Variants in SPAST observed in about 807,000 individuals in gnomAD.
SPAST encodes the protein spastic paraplegia 4 (autosomal dominant; spastin).
Under a neutral mutation model 76.6 loss-of-function variants are expected in SPAST, and 30 were observed. The observed-to-expected ratio is 0.39, with a 90% confidence interval of 0.29 to 0.53. The LOEUF is 0.53. SPAST is among the 20% of genes least tolerant of loss of function. The pLI, the probability that SPAST is intolerant of heterozygous loss-of-function variation, is 0.68. For synonymous variants in SPAST, 305 were observed against 281.0 expected (o/e 1.09, Z -0.86); for missense variants, 717 against 770.5 (o/e 0.93, Z 0.82).
At chr2:32,076,348 T>C (rs1269750075) in intron 1 of SPAST, among the ~76,000 whole-genome samples, 1 of 152,216 alleles carries the variant, frequency 6.6e-6, no homozygotes. Context: ...AAATGTTTGC[T>C]AGTGAAAGCA....
chr2:32,069,679 C>T (rs2148691765), intron 1 of SPAST, among the ~76,000 whole-genome samples: 1 of 151,966 alleles, frequency 6.6e-6, no homozygotes, highest in East Asian at 1.9e-4. Flanking sequence ...GCCTCAGCCT[C>T]CCAAGTAGCT....
intron 15 of SPAST, among the ~76,000 whole-genome samples, chr2:32,146,842 A>T (rs1159326619): frequency 1.6e-5 from 2 of 127,338 alleles, no homozygotes; most frequent in Non-Finnish European, 3.2e-5. Context: ...ACAGAGCAAG[A>T]CTCTGTCTCA....
At chr2:32,114,344 G>T (rs1221936715) in intron 4 of SPAST, among the ~76,000 whole-genome samples, 2 of 151,982 alleles carry the variant, frequency 1.3e-5, no homozygotes, top group Non-Finnish European at 2.9e-5. Context: ...AGCCCAGGAA[G>T]ATTAAGGCCA....
intron 12 of SPAST, among the ~76,000 whole-genome samples, chr2:32,138,701 AT>A (rs1257328908): frequency 6.6e-6 from 1 of 152,050 alleles, no homozygotes; most frequent in Non-Finnish European, 1.5e-5. Context: ...TTTTGTTGCA[AT>A]TGTGTTTGGG....
intron 9 of SPAST, among the ~76,000 whole-genome samples, chr2:32,136,313 G>A (rs560283581): frequency 5.5e-4 from 84 of 152,152 alleles, no homozygotes; most frequent in Admixed American, 5.3e-3. Flanking sequence ...TCATTCTCAA[G>A]TCTTAGGAAT....
At chr2:32,092,585 A>G (rs544178135) in intron 3 of SPAST, among the ~76,000 whole-genome samples, 10 of 152,326 alleles carry the variant, frequency 6.6e-5, no homozygotes, top group African/African-American at 1.9e-4. Context: ...AAGATATGTA[A>G]TGTAATATGA....
chr2:32,144,486 T>A (rs919494466), intron 14 of SPAST, among the ~76,000 whole-genome samples: 1 of 152,252 alleles, frequency 6.6e-6, no homozygotes, highest in Non-Finnish European at 1.5e-5. Flanking sequence ...AATGGGCCTT[T>A]CTATTCCCTT....
At position 32,145,003 on chromosome 2, in the gene SPAST, C is replaced by T. The variant is rs1558341993; in HGVS notation, c.1683C>T (p.Ile561=). The change falls in exon 15 of 17, where the codon ATC becomes ATT. Residue 561 remains isoleucine (I), a synonymous_variant. Coordinates refer to ENST00000315285, the MANE Select transcript of SPAST (RefSeq NM_014946.4). Reference sequence around the variant, plus strand: ...CAAAAGATGCAGCACTGGGTCCTATCCGAGGTAGGTATACAAGAGCTTAAA... The same window carrying T: ...CAAAAGATGCAGCACTGGGTCCTATTCGAGGTAGGTATACAAGAGCTTAAA... ...ALAKDAALGP[I]RELKPEQVKN... is the part of the protein sequence containing the mutation. 9 of 1,608,640 alleles carry T rather than the reference C, an allele frequency of 5.6e-6. No homozygotes were observed. The highest frequency in any genetic ancestry group is 6.8e-6 in the Non-Finnish European group (8 of 1,175,784).
chr2:32,078,596 G>A (rs1677070098), intron 1 of SPAST, among the ~76,000 whole-genome samples: 1 of 152,158 alleles, frequency 6.6e-6, no homozygotes, highest in Admixed American at 6.5e-5. Context: ...GCTACAGTGA[G>A]CTATGATAAT....
chr2:32,084,349 A>C (rs1471269911), intron 1 of SPAST, among the ~76,000 whole-genome samples: 4 of 150,896 alleles, frequency 2.7e-5, no homozygotes. Context: ...TATTTTTAGT[A>C]GAGACAGGGT....
intron 1 of SPAST, among the ~76,000 whole-genome samples, chr2:32,071,373 G>A (rs1327940558): frequency 3.3e-5 from 5 of 152,218 alleles, no homozygotes; most frequent in Non-Finnish European, 5.9e-5. Flanking sequence ...AATTGTCTAA[G>A]TAAAATATTT....
chr2:32,109,552 C>G (rs1407115572), intron 4 of SPAST, among the ~76,000 whole-genome samples: 1 of 151,414 alleles, frequency 6.6e-6, no homozygotes, highest in Non-Finnish European at 1.5e-5. Flanking sequence ...TTACTTTCTA[C>G]TATATTTCCA....
chr2:32,104,854 AC>A (rs1678258827), intron 4 of SPAST, among the ~76,000 whole-genome samples: 2 of 152,164 alleles, frequency 1.3e-5, no homozygotes, highest in Non-Finnish European at 2.9e-5. Context: ...TTTGTGGGTA[AC>A]CCGACCTTTC....
At position 32,107,665 on chromosome 2, in the gene SPAST, T is replaced by C. The variant is rs140423752; in HGVS notation, c.683-6973T>C. ...TGAACCAGTAAGTATAATGTAAACA[T>C]TGCAAAATGCAAAAAAATGTAAAAA... On this transcript the variant is annotated intron_variant, in intron 4 of 16. Transcript: ENST00000315285. 9.6e-3 allele frequency among the ~76,000 whole-genome samples: 1,459 copies of C among 152,292 alleles called. 27 individuals are homozygous for C. Among genetic ancestry groups the C allele is most frequent in the South Asian group, 0.05 (240 of 4,830 alleles).
chr2:32,148,508 T>A (rs1203387012), intron 16 of SPAST, among the ~76,000 whole-genome samples: 1 of 132,282 alleles, frequency 7.6e-6, no homozygotes, highest in African/African-American at 2.9e-5. Context: ...CCTGTCTCTA[T>A]CAAAAATACA....
At chr2:32,137,046 C>A in intron 11 of SPAST, 63 bp from the exon 12 acceptor site, 1 of 1,550,766 alleles carries the variant, frequency 6.4e-7, no homozygotes, top group Non-Finnish European at 8.9e-7. Context: ...GTTAAAAATA[C>A]AAATATCTTT....
At position 32,157,494 on chromosome 2, in the gene SPAST, C is replaced by CT. The variant is rs886055984; in HGVS notation, c.*2999dup. 3.9e-5 allele frequency: 6 copies of CT among 152,580 alleles called. No homozygotes were observed. The East Asian group carries it at 1.2e-3, about 29-fold the overall frequency. 9.5% of individuals were successfully genotyped at this position (152,580 alleles called of 1,614,324 possible). ...ACCATTTACAGTTCGGTTTTGGACT[C>CT]TGAGTCAAAGGATTTTCCTTTAAAT... is the stretch of plus-strand genomic sequence containing the variant. On this transcript the variant is annotated 3_prime_UTR_variant, in exon 17 of 17. Coordinates refer to ENST00000315285, the MANE Select transcript of SPAST (RefSeq NM_014946.4).
At chr2:32,110,811 T>C (rs1678556271) in intron 4 of SPAST, among the ~76,000 whole-genome samples, 1 of 125,236 alleles carries the variant, frequency 8.0e-6, no homozygotes, top group Non-Finnish European at 1.7e-5. Context: ...TAGTATACTA[T>C]ATAGTATATA....
intron 7 of SPAST, among the ~76,000 whole-genome samples, chr2:32,117,278 A>G (rs530321380): frequency 6.8e-4 from 104 of 152,118 alleles, no homozygotes; most frequent in African/African-American, 2.5e-3. Context: ...ATTTAAAAAG[A>G]TAAATACATA....
Sources: gnomAD v4.1 joint callset for allele counts (sites outside exome capture counted in the v4.1 genomes callset) on GRCh38, gnomAD v4.1.1 for gene constraint, MANE v1.5 for transcripts, NCBI Gene and HGNC (gene_info 2026-07-23, HGNC 2026-07-21) for gene names.